Variants in DOCK9 observed in about 807,000 individuals in gnomAD.
The protein encoded by DOCK9 is dedicator of cytokinesis protein 9.
Under a neutral mutation model 263.3 loss-of-function variants are expected in DOCK9, and 89 were observed. The ratio of observed to expected loss-of-function variants is 0.34; its 90% CI spans 0.28 to 0.40. The LOEUF (loss-of-function observed/expected upper bound fraction) is 0.40, where lower values mean the gene tolerates loss of function less well. Ranked by LOEUF, DOCK9 falls within the 10% of genes least tolerant of loss-of-function variation. The probability of loss-of-function intolerance (pLI) is 1.00; values close to 1 mark genes in which losing one functional copy is unlikely to be tolerated. For missense variants in DOCK9, 2,140 were observed against 2,603.4 expected (o/e 0.82, Z 3.87); for synonymous variants, 976 against 973.1 (o/e 1.00, Z -0.06).
intron 45 of DOCK9, chr13:98,820,601 C>T (rs754530688): frequency 1.8e-5 from 6 of 333,932 alleles, no homozygotes; most frequent in Non-Finnish European, 3.5e-5. Context: ...ATCCCAGGTA[C>T]ATTACTCGTA....
chr13:98,972,093 C>T (rs1197680864), intron 1 of DOCK9, among the ~76,000 whole-genome samples: 2 of 152,218 alleles, frequency 1.3e-5, no homozygotes, highest in Admixed American at 6.5e-5. Context: ...CCAAAGTCTA[C>T]AATCCTGGCT....
At chr13:99,085,058 T>C (rs1283748646) in intron 1 of DOCK9, among the ~76,000 whole-genome samples, 1 of 152,232 alleles carries the variant, frequency 6.6e-6, no homozygotes, top group East Asian at 1.9e-4. Context: ...AAATTCAAAC[T>C]GAGCAAACTG....
In DOCK9 at chr13:98,886,570, C is replaced by T. The variant is rs1476230119; in HGVS notation, c.2098G>A (p.Val700Ile). ...PVFTRSAFAA[V>I]LHHHQNPEFY... ...TCTGGGTTTTGGTGATGGTGTAAAA[C>T]TGCAGCAAAGGCGCTTCTTGTGAAA... Residue 700 changes from valine to isoleucine, a missense_variant, in exon 19 of 53, where the codon GTT becomes ATT. This residue lies in a region of DOCK9 where 1,521 missense variants were observed against 1,741.7 expected (regional missense o/e 0.87). Coordinates refer to ENST00000682017, the MANE Select transcript of DOCK9 (RefSeq NM_001366683.2). 6.2e-7 allele frequency: 1 copy of T among 1,613,764 alleles called. No homozygotes were observed. Among genetic ancestry groups the T allele is most frequent in the Non-Finnish European group, 8.5e-7 (1 of 1,179,802 alleles).
chr13:98,831,527 G>A lies in DOCK9; in HGVS notation c.4456C>T (p.Pro1486Ser), dbSNP rs1311593004. The change falls in exon 41 of 53, where the codon CCC (proline) becomes TCC (serine). Residue 1486 changes from proline to serine, a missense_variant. By Grantham distance (74) the Pro-to-Ser change is moderately conservative (BLOSUM62 -1). Transcript: ENST00000682017. ...GCTCTCCCTTCATAGAATGTTGAGG[G>A]AAACTAGACAGGATGAGAGGAAGCA... ...TALRSLIYKF[P>S]STFYEGRADM... The A allele has an allele frequency of 6.3e-7, 1 of 1,585,688 alleles. No individual in the cohort carries two copies.
intron 9 of DOCK9, among the ~76,000 whole-genome samples, chr13:98,907,475 G>C (rs1459077829): frequency 2.6e-5 from 4 of 152,060 alleles, no homozygotes; most frequent in Non-Finnish European, 5.9e-5. Context: ...AGAACAAATA[G>C]GAATGCAGAC....
intron 1 of DOCK9, among the ~76,000 whole-genome samples, chr13:99,039,079 G>A (rs190341947): frequency 5.2e-4 from 79 of 152,138 alleles, no homozygotes; most frequent in African/African-American, 1.8e-3. Flanking sequence ...TACTATACCC[G>A]GCAAAGACTA....
At chr13:99,081,170 G>C (rs1404740313) in intron 1 of DOCK9, among the ~76,000 whole-genome samples, 1 of 152,170 alleles carries the variant, frequency 6.6e-6, no homozygotes. Context: ...TCAGTTATCA[G>C]CTTACTGACA....
intron 39 of DOCK9, 44 bp from the exon 40 acceptor site, chr13:98,831,830 T>C: frequency 6.3e-7 from 1 of 1,589,712 alleles, no homozygotes; most frequent in Non-Finnish European, 8.5e-7. Context: ...ACCAGTCACC[T>C]CTAGTAGGTT....
intron 38 of DOCK9, among the ~76,000 whole-genome samples, chr13:98,838,491 A>G (rs989616032): frequency 6.6e-6 from 1 of 151,954 alleles, no homozygotes; most frequent in African/African-American, 2.4e-5. Context: ...AAAAGCCAAC[A>G]TGTCTGAAAG....
Position 98,903,095 on chromosome 13 carries a change from T to C in DOCK9, c.1053A>G (p.Ser351=). 1 of 1,511,504 alleles carries C rather than the reference T, an allele frequency of 6.6e-7. No homozygotes were observed. The highest frequency in any genetic ancestry group is 2.5e-5 in the East Asian group (1 of 39,884). 93.6% of individuals were successfully genotyped at this position (1,511,504 alleles called of 1,614,324 possible). A position where few individuals can be genotyped will look rare whatever the true frequency, so the allele number is the denominator to read the frequency against. Residue 351 remains serine, a synonymous_variant, in exon 11 of 53, where the codon TCA becomes TCG. Transcript: ENST00000682017. ...CAAATGACTTCACTTCTGGCTCAGC[T>C]GATGAGAAGTCAAGCTTCTTTAAAA... ...DPDAQKLDFS[S]AEPEVKSFEE...
At chr13:98,828,027 C>G (rs2092613493) in intron 43 of DOCK9, among the ~76,000 whole-genome samples, 1 of 152,106 alleles carries the variant, frequency 6.6e-6, no homozygotes, top group African/African-American at 2.4e-5. Context: ...TTCAACATTA[C>G]TGGTGTCATA....
At chr13:98,867,660 A>G in intron 29 of DOCK9, 124 bp from the exon 30 acceptor site, 2 of 678,282 alleles carry the variant, frequency 2.9e-6, no homozygotes, top group Non-Finnish European at 2.5e-6. Context: ...AGAACTGCAC[A>G]CTCTATTGCA....
intron 1 of DOCK9, among the ~76,000 whole-genome samples, chr13:98,990,485 C>A (rs1879549065): frequency 6.6e-6 from 1 of 152,194 alleles, no homozygotes; most frequent in Non-Finnish European, 1.5e-5. Flanking sequence ...CGTTCCCCAA[C>A]AACTCATTTT....
intron 1 of DOCK9, among the ~76,000 whole-genome samples, chr13:99,075,979 G>A (rs558979403): frequency 2.3e-4 from 35 of 152,192 alleles, no homozygotes; most frequent in African/African-American, 6.5e-4. Context: ...ACACCCAAGC[G>A]CTATCTTAAT....
At chr13:98,818,920 T>C (rs1415503661) in intron 45 of DOCK9, among the ~76,000 whole-genome samples, 8 of 152,202 alleles carry the variant, frequency 5.3e-5, no homozygotes, top group Non-Finnish European at 8.8e-5. Flanking sequence ...CATTTTTTCA[T>C]TGAGATACCA....
At chr13:99,072,618 TA>T (rs528155153) in intron 1 of DOCK9, among the ~76,000 whole-genome samples, 295 of 152,302 alleles carry the variant, frequency 1.9e-3, no homozygotes, top group African/African-American at 6.5e-3. Context: ...CTATACCCAC[TA>T]ACCCTGAGGC....
intron 45 of DOCK9, among the ~76,000 whole-genome samples, chr13:98,814,681 A>G (rs1278475484): frequency 6.6e-6 from 1 of 152,118 alleles, no homozygotes; most frequent in African/African-American, 2.4e-5. Flanking sequence ...GCTCATGCCT[A>G]TAATCCCAGC....
At chr13:98,828,487 C>T (rs889112017) in intron 43 of DOCK9, among the ~76,000 whole-genome samples, 2 of 152,076 alleles carry the variant, frequency 1.3e-5, no homozygotes, top group African/African-American at 4.8e-5. Context: ...TTAATGTGTA[C>T]TTTTTAGCAT....
chr13:98,906,111 G>A (rs760228505), intron 9 of DOCK9, among the ~76,000 whole-genome samples: 3 of 151,980 alleles, frequency 2.0e-5, no homozygotes, highest in Non-Finnish European at 2.9e-5. Flanking sequence ...GTGTAGAGAC[G>A]CCTGGGTAGA....
Sources: allele counts gnomAD v4.1 joint callset (sites outside exome capture counted in the v4.1 genomes callset), GRCh38; gene constraint gnomAD v4.1.1; regional missense constraint gnomAD v4.1.1; transcripts MANE v1.5; gene names NCBI Gene and HGNC (gene_info 2026-07-23, HGNC 2026-07-21).